Variants in CDH4 observed in about 807,000 individuals in gnomAD.
The protein encoded by CDH4 is cadherin-4.
Under a neutral mutation model 86.0 loss-of-function variants are expected in CDH4, and 33 were observed. That is an observed-to-expected ratio of 0.38 (90% CI 0.29 to 0.51). The LOEUF (loss-of-function observed/expected upper bound fraction) is 0.51, where lower values mean the gene tolerates loss of function less well. Ranked by LOEUF, CDH4 falls within the 20% of genes least tolerant of loss-of-function variation. The pLI is 0.86. For synonymous variants in CDH4, 555 were observed against 549.4 expected (o/e 1.01, Z -0.14); for missense variants, 1,114 against 1,307.4 (o/e 0.85, Z 2.28).
At chr20:61,495,910 A>G (rs1387812931) in intron 2 of CDH4, among the ~76,000 whole-genome samples, 1 of 151,112 alleles carries the variant, frequency 6.6e-6, no homozygotes, top group African/African-American at 2.4e-5. Context: ...CTCAAAAAAA[A>G]AAAAAAAAAA....
intron 4 of CDH4, among the ~76,000 whole-genome samples, chr20:61,806,168 G>A (rs911074962): frequency 3.9e-5 from 6 of 152,238 alleles, no homozygotes; most frequent in South Asian, 4.1e-4. Flanking sequence ...AGGACAGTGC[G>A]GCAGTGACCT....
chr20:61,425,908 A>G (rs1019492089), intron 2 of CDH4, among the ~76,000 whole-genome samples: 2 of 152,218 alleles, frequency 1.3e-5, no homozygotes, highest in African/African-American at 4.8e-5. Context: ...GGCCCCGCCC[A>G]GGGCAGGATG....
chr20:61,444,383 A>G (rs1227484476), intron 2 of CDH4, among the ~76,000 whole-genome samples: 35 of 18,906 alleles, frequency 1.9e-3, no homozygotes, highest in African/African-American at 5.7e-3. Context: ...GTGTGTGTCT[A>G]TGTGTGTCTG....
At chr20:61,910,145 C>T (rs1297649622) in intron 8 of CDH4, among the ~76,000 whole-genome samples, 13 of 151,868 alleles carry the variant, frequency 8.6e-5, no homozygotes, top group East Asian at 1.9e-4. Context: ...TGGGCTGACA[C>T]GGTGTGCTCT....
intron 2 of CDH4, among the ~76,000 whole-genome samples, chr20:61,626,391 G>A (rs937974988): frequency 6.6e-6 from 1 of 151,932 alleles, no homozygotes; most frequent in Non-Finnish European, 1.5e-5. Context: ...TGATGTGGGG[G>A]CATTACTTTG....
intron 2 of CDH4, among the ~76,000 whole-genome samples, chr20:61,580,743 C>T (rs565461340): frequency 6.6e-6 from 1 of 152,136 alleles, no homozygotes; most frequent in Admixed American, 6.5e-5. Flanking sequence ...TGGTGACAGG[C>T]GTTGGGCGCA....
chr20:61,543,646 G>A (rs545709215), intron 2 of CDH4, among the ~76,000 whole-genome samples: 33 of 152,322 alleles, frequency 2.2e-4, no homozygotes, highest in Non-Finnish European at 3.4e-4. Context: ...GCTGAGACAA[G>A]GGCTGAGGTT....
intron 2 of CDH4, among the ~76,000 whole-genome samples, chr20:61,661,213 C>T (rs545818382): frequency 1.9e-4 from 29 of 152,252 alleles, no homozygotes; most frequent in African/African-American, 6.7e-4. Context: ...CACCGTCAGC[C>T]GGTGGTTCCG....
chr20:61,498,405 G>A (rs114156306), intron 2 of CDH4, among the ~76,000 whole-genome samples: 150 of 152,308 alleles, frequency 9.8e-4, no homozygotes, highest in African/African-American at 3.5e-3. Flanking sequence ...TAGTGTAATC[G>A]ATAATGCTAT....
chr20:61,305,047 TGC>T (rs2084409117), intron 2 of CDH4, among the ~76,000 whole-genome samples: 3 of 151,758 alleles, frequency 2.0e-5, no homozygotes, highest in African/African-American at 7.3e-5. Flanking sequence ...GTGTGTTCTG[TGC>T]GTGTGTTGTG....
chr20:61,554,574 T>C (rs753274013), intron 2 of CDH4, among the ~76,000 whole-genome samples: 45 of 152,232 alleles, frequency 3.0e-4, no homozygotes, highest in Non-Finnish European at 4.9e-4. Context: ...CTGGGATTTG[T>C]TGCAGAAACC....
At chr20:61,727,491 C>T (rs1370982681) in intron 2 of CDH4, among the ~76,000 whole-genome samples, 1 of 152,188 alleles carries the variant, frequency 6.6e-6, no homozygotes, top group East Asian at 1.9e-4. Flanking sequence ...TTATCCTTTA[C>T]CTTAGTCCAC....
chr20:61,923,804 C>T, intron 10 of CDH4, 100 bp downstream of exon 10: 1 of 1,452,882 alleles, frequency 6.9e-7, no homozygotes, highest in South Asian at 1.3e-5. Flanking sequence ...CAGAATTCCC[C>T]CAGATGGGTG....
At chr20:61,867,571 G>GAA in intron 6 of CDH4, among the ~76,000 whole-genome samples, 1 of 150,438 alleles carries the variant, frequency 6.6e-6, no homozygotes, top group Non-Finnish European at 1.5e-5. Context: ...AAGAGAGAGA[G>GAA]AGAGCTTATG....
intron 3 of CDH4, among the ~76,000 whole-genome samples, chr20:61,744,931 T>C (rs2088395486): frequency 6.6e-6 from 1 of 152,190 alleles, no homozygotes; most frequent in Admixed American, 6.5e-5. Context: ...CTGAAGAAGC[T>C]GCAACCAGGC....
intron 2 of CDH4, among the ~76,000 whole-genome samples, chr20:61,742,902 T>G (rs1020099471): frequency 6.6e-6 from 1 of 152,208 alleles, no homozygotes; most frequent in African/African-American, 2.4e-5. Context: ...ACTTCAACTC[T>G]GTTTCCAGTT....
rs557997918 is a variant in CDH4, at chr20:61,666,395, G to A, written c.170-77168G>A. ...CAGGGCCACTGCGTCCCTGCAGCCC[G>A]AAGAAATCCACTTCTGCCCTTGGTG... On this transcript the variant is annotated intron_variant, in intron 2 of 15. Transcript: ENST00000614565. 3.0e-3 allele frequency among the ~76,000 whole-genome samples: 452 copies of A among 152,324 alleles called. 6 individuals carry two copies. Among genetic ancestry groups the A allele is most frequent in the Non-Finnish European group, 3.9e-3 (264 of 68,028 alleles).
At chr20:61,254,528 G>C (rs564193407) in intron 1 of CDH4, among the ~76,000 whole-genome samples, 42 of 152,284 alleles carry the variant, frequency 2.8e-4, no homozygotes, top group Admixed American at 6.5e-4. Context: ...TTTCTCAGGC[G>C]TCTCCTCTGC....
At chr20:61,887,975 T>C (rs1027194522) in intron 7 of CDH4, among the ~76,000 whole-genome samples, 1 of 152,186 alleles carries the variant, frequency 6.6e-6, no homozygotes, top group East Asian at 1.9e-4. Flanking sequence ...AAGAGGCTGC[T>C]GAGAGCCCCC....
Sources: gnomAD v4.1 joint callset for allele counts (sites outside exome capture counted in the v4.1 genomes callset) on GRCh38, gnomAD v4.1.1 for gene constraint, MANE v1.5 for transcripts, NCBI Gene and HGNC (gene_info 2026-07-23, HGNC 2026-07-21) for gene names.